Variants in DPP10 observed in about 807,000 individuals in gnomAD.
DPP10 encodes inactive dipeptidyl peptidase 10.
DPP10 carries 33 observed loss-of-function variants against 120.9 expected under a neutral mutation model. The ratio of observed to expected loss-of-function variants is 0.27; its 90% CI spans 0.21 to 0.37. The LOEUF (loss-of-function observed/expected upper bound fraction) is 0.37, where lower values mean the gene tolerates loss of function less well. Among genes scored for constraint, DPP10 ranks in the 10% least tolerant of loss-of-function variants. The pLI, the probability that DPP10 is intolerant of heterozygous loss-of-function variation, is 1.00. For missense variants in DPP10, 816 were observed against 942.8 expected (o/e 0.87, Z 1.76); for synonymous variants, 337 against 326.1 (o/e 1.03, Z -0.36).
intron 4 of DPP10, among the ~76,000 whole-genome samples, chr2:115,500,754 G>A (rs1433659708): frequency 6.6e-6 from 1 of 151,982 alleles, no homozygotes; most frequent in Non-Finnish European, 1.5e-5. Flanking sequence ...GGGATGTCAA[G>A]GATATGTACA....
intron 1 of DPP10, among the ~76,000 whole-genome samples, chr2:114,766,498 A>G (rs1176315081): frequency 1.3e-5 from 2 of 152,160 alleles, no homozygotes; most frequent in African/African-American, 2.4e-5. Flanking sequence ...CCTAACATTT[A>G]TAGCATTTTT....
intron 2 of DPP10, among the ~76,000 whole-genome samples, chr2:115,334,340 G>A (rs55931525): frequency 2.7e-3 from 404 of 149,126 alleles, no homozygotes; most frequent in Non-Finnish European, 3.9e-3. Context: ...ATGCCAAGAA[G>A]AGCAAAGGTG....
chr2:115,176,489 C>T (rs901386041), intron 1 of DPP10, among the ~76,000 whole-genome samples: 3 of 151,830 alleles, frequency 2.0e-5, no homozygotes, highest in African/African-American at 7.3e-5. Flanking sequence ...CAAGACTCCA[C>T]AGGTAGTAAA....
chr2:114,671,477 A>G (rs566941778), intron 1 of DPP10, among the ~76,000 whole-genome samples: 1 of 152,140 alleles, frequency 6.6e-6, no homozygotes, highest in Non-Finnish European at 1.5e-5. Flanking sequence ...TGCTGGCACT[A>G]TGCTTCATGT....
intron 4 of DPP10, among the ~76,000 whole-genome samples, chr2:115,504,965 T>C (rs958588617): frequency 1.3e-5 from 2 of 152,156 alleles, no homozygotes; most frequent in African/African-American, 4.8e-5. Flanking sequence ...CAAACAGTTA[T>C]TCATACAGTT....
At chr2:115,817,909 T>C (rs1364320690) in intron 21 of DPP10, among the ~76,000 whole-genome samples, 1 of 151,860 alleles carries the variant, frequency 6.6e-6, no homozygotes, top group Non-Finnish European at 1.5e-5. Context: ...AAGAGTGAAA[T>C]GGTTGTTGCC....
Position 115,334,230 on chromosome 2 carries a change from G to GTTTTTTTTTTTTTTTTTTTTTT in DPP10, c.176-9571_176-9570insTTTTTTTTTTTTTTTTTTTTTT. Among the ~76,000 whole-genome samples the GTTTTTTTTTTTTTTTTTTTTTT allele has an allele frequency of 3.5e-3, 195 of 56,346 alleles. 44 individuals carry two copies. Among genetic ancestry groups the GTTTTTTTTTTTTTTTTTTTTTT allele is most frequent in the East Asian group, 0.029 (52 of 1,790 alleles). 37.0% of individuals were successfully genotyped at this position (56,346 alleles called of 152,430 possible). On this transcript the variant is annotated intron_variant, in intron 2 of 25. Coordinates refer to ENST00000410059, the MANE Select transcript of DPP10 (RefSeq NM_020868.6). ...TCAGGAATGGACCAGAGCAGACTCT[G>GTTTTTTTTTTTTTTTTTTTTTT]TTTTTTTTTTTTTTTTAAGAAACCT...
intron 3 of DPP10, among the ~76,000 whole-genome samples, chr2:115,485,868 T>A (rs10496495): frequency 6.6e-6 from 1 of 152,084 alleles, no homozygotes; most frequent in Non-Finnish European, 1.5e-5. Context: ...AGTTATGATA[T>A]TGCAATTTAT....
At chr2:114,964,445 G>A (rs1387459698) in intron 1 of DPP10, among the ~76,000 whole-genome samples, 1 of 152,094 alleles carries the variant, frequency 6.6e-6, no homozygotes, top group Non-Finnish European at 1.5e-5. Context: ...AAGAACTGGA[G>A]CAATGATAAG....
rs559352605 is a variant in DPP10, at chr2:115,265,249, G to A, written c.61-43990G>A. On this transcript the variant is annotated intron_variant, in intron 1 of 25. Coordinates refer to ENST00000410059, the MANE Select transcript of DPP10 (RefSeq NM_020868.6). ...TCGATGTTCCCAATGTCTTTATTTT[G>A]TCCTTTGGCTTTGGATTCCATATAT... Among the ~76,000 whole-genome samples, 95 of 145,660 alleles carry A rather than the reference G, an allele frequency of 6.5e-4. 2 individuals carry two copies. Among genetic ancestry groups the A allele is most frequent in the African/African-American group, 2.4e-3 (92 of 39,054 alleles).
intron 3 of DPP10, among the ~76,000 whole-genome samples, chr2:115,428,327 A>G (rs1159124939): frequency 6.6e-6 from 1 of 152,118 alleles, no homozygotes; most frequent in Non-Finnish European, 1.5e-5. Flanking sequence ...ATGCCTTGGT[A>G]CCAATTTTCT....
intron 1 of DPP10, among the ~76,000 whole-genome samples, chr2:114,456,199 G>A (rs1178664697): frequency 6.6e-6 from 1 of 152,180 alleles, no homozygotes; most frequent in Non-Finnish European, 1.5e-5. Flanking sequence ...ACCTCAGTGA[G>A]GCAGGAGAAA....
At chr2:115,021,018 T>C (rs1344450224) in intron 1 of DPP10, among the ~76,000 whole-genome samples, 3 of 151,928 alleles carry the variant, frequency 2.0e-5, no homozygotes, top group Admixed American at 1.3e-4. Flanking sequence ...ACAGCAAAGG[T>C]GATGCTAAAA....
chr2:115,481,409 G>A (rs1298804181), intron 3 of DPP10, among the ~76,000 whole-genome samples: 1 of 152,156 alleles, frequency 6.6e-6, no homozygotes, highest in East Asian at 1.9e-4. Flanking sequence ...TGGAGGGTAA[G>A]CTTAAGGAAG....
rs540000966 is a variant in DPP10 at position 114,508,862 on chromosome 2, C to A, written c.60+66024C>A. Among the ~76,000 whole-genome samples the A allele has an allele frequency of 3.3e-5, 5 of 152,102 alleles. No individual in the cohort carries two copies. The South Asian group carries it at 1.0e-3, about 32-fold the overall frequency. ...AAACTGGACCAAATGGATTTTCTAC[C>A]CTGAGAACGTGAAATTCAGAAACAG... On this transcript the variant is annotated intron_variant, in intron 1 of 25. Coordinates refer to ENST00000410059, the MANE Select transcript of DPP10 (RefSeq NM_020868.6).
At chr2:115,366,318 A>G (rs974975608) in intron 3 of DPP10, among the ~76,000 whole-genome samples, 2 of 151,966 alleles carry the variant, frequency 1.3e-5, no homozygotes, top group African/African-American at 4.8e-5. Context: ...TTTCTTGTGT[A>G]TAGGAACAAT....
At chr2:114,991,033 T>TA (rs1384187157) in intron 1 of DPP10, among the ~76,000 whole-genome samples, 2 of 152,248 alleles carry the variant, frequency 1.3e-5, no homozygotes, top group South Asian at 2.1e-4. Context: ...ATTTCTTAAA[T>TA]AAAAAAATTA....
In DPP10 at chr2:115,376,820, C is replaced by T. The variant is rs981664143; in HGVS notation, c.271+32908C>T. Among the ~76,000 whole-genome samples the T allele has an allele frequency of 2.2e-4, 33 of 149,538 alleles. No individual in the cohort carries two copies. In the East Asian group the frequency reaches 5.2e-3, roughly 24 times the overall value. ...TGTGGTGTTTGGTTTTTTGTTCTTG[C>T]GATAGTTTACTGAGAATGATGATTT... On this transcript the variant is annotated intron_variant, in intron 3 of 25. Coordinates refer to ENST00000410059, the MANE Select transcript of DPP10 (RefSeq NM_020868.6).
chr2:115,544,874 T>C (rs903025341), intron 5 of DPP10, among the ~76,000 whole-genome samples: 1 of 152,080 alleles, frequency 6.6e-6, no homozygotes, highest in African/African-American at 2.4e-5. Context: ...TTATTTTGGT[T>C]CGTATTTTCT....
Sources: allele counts gnomAD v4.1 joint callset (sites outside exome capture counted in the v4.1 genomes callset), GRCh38; gene constraint gnomAD v4.1.1; transcripts MANE v1.5; gene names NCBI Gene and HGNC (gene_info 2026-07-23, HGNC 2026-07-21).